ZNF717: variants seen among roughly 807,000 people sequenced by gnomAD.
ZNF717 encodes the protein krueppel-like factor X17.
A neutral mutation model predicts 13.8 loss-of-function variants in ZNF717; 9 were observed. The ratio of observed to expected loss-of-function variants is 0.65; its 90% CI spans 0.39 to 1.14. The LOEUF (loss-of-function observed/expected upper bound fraction) is 1.14. Among genes scored for constraint, ZNF717 ranks in the 50% most tolerant of loss-of-function variants. The probability of loss-of-function intolerance (pLI) is 0.01; values close to 1 mark genes in which losing one functional copy is unlikely to be tolerated. For missense variants in ZNF717, 1,040 were observed against 1,080.7 expected, an observed-to-expected ratio of 0.96 and a Z score of 0.53; for synonymous variants, 327 against 364.1, an observed-to-expected ratio of 0.90 and a Z score of 1.16.
chr3:75,709,703 C>T (rs1937892013), exon 6 of ZNF717: 1 of 152,172 alleles, frequency 6.6e-6, no homozygotes, highest in African/African-American at 2.4e-5. Flanking sequence ...TTTTCATCAT[C>T]AGGCATACAC....
chr3:75,763,328 T>G (rs1943180314), intron 2 of ZNF717, among the ~76,000 whole-genome samples: 1 of 152,230 alleles, frequency 6.6e-6, no homozygotes, highest in African/African-American at 2.4e-5. Flanking sequence ...TGCATTATTC[T>G]TACTGGTTGA....
At chr3:75,778,648 A>G (rs1325049063) in intron 2 of ZNF717, among the ~76,000 whole-genome samples, 2 of 151,926 alleles carry the variant, frequency 1.3e-5, no homozygotes, top group African/African-American at 4.8e-5. Flanking sequence ...CAGAACCCAA[A>G]ACAATGGGAG....
chr3:75,706,874 A>T (rs1338447173), downstream of ZNF717, among the ~76,000 whole-genome samples: 1 of 152,402 alleles, frequency 6.6e-6, no homozygotes, highest in East Asian at 1.9e-4. Context: ...GCCCCAAAAC[A>T]CTGCTTATCA....
intron 6 of ZNF717, among the ~76,000 whole-genome samples, chr3:75,700,482 C>T (rs1427778722): frequency 6.6e-6 from 1 of 152,250 alleles, no homozygotes; most frequent in Non-Finnish European, 1.5e-5. Context: ...ATAGTCAAAG[C>T]TATGCTGAGT....
intron 6 of ZNF717, among the ~76,000 whole-genome samples, chr3:75,701,867 C>T (rs1257555241): frequency 5.3e-5 from 8 of 152,054 alleles, no homozygotes; most frequent in Non-Finnish European, 5.9e-5. Flanking sequence ...AAATGTCAAA[C>T]AGGCAAATGA....
Position 75,739,282 on chromosome 3 carries a change from T to C in ZNF717, c.341A>G (p.Gln114Arg), listed in dbSNP as rs1359780988. 890 of 1,519,452 alleles carry C rather than the reference T, an allele frequency of 5.9e-4. No individual in the cohort carries two copies. Among genetic ancestry groups the C allele is most frequent in the Non-Finnish European group, 7.4e-4 (837 of 1,133,256 alleles). 94.1% of individuals were successfully genotyped at this position (1,519,452 alleles called of 1,614,324 possible). A position where few individuals can be genotyped will look rare whatever the true frequency, so the allele number is the denominator to read the frequency against. The change falls in exon 5 of 5, where the codon CAA becomes CGA. Residue 114 changes from glutamine to arginine, a missense_variant. Gln to Arg is a conservative substitution (Grantham distance 43, BLOSUM62 1). Transcript: ENST00000652011. ...SHESHDRFFW[Q>R]IVITNSNTST... Reference sequence around the variant, plus strand: ...TGTGTTGCTGTTGGTGATTACAATTTGCCAGAAAAATCTATCATGACTTTC... The same window carrying C: ...TGTGTTGCTGTTGGTGATTACAATTCGCCAGAAAAATCTATCATGACTTTC...
downstream of ZNF717, among the ~76,000 whole-genome samples, chr3:75,727,400 T>C (rs1391733181): frequency 2.6e-5 from 4 of 152,224 alleles, no homozygotes; most frequent in Non-Finnish European, 5.9e-5. Flanking sequence ...CAGCCATGTT[T>C]TTCTTCTTGC....
At chr3:75,756,496 C>T (rs1354308221) in intron 2 of ZNF717, among the ~76,000 whole-genome samples, 2 of 152,140 alleles carry the variant, frequency 1.3e-5, no homozygotes, top group Non-Finnish European at 2.9e-5. Flanking sequence ...AAACACTTAG[C>T]CAAATTGTGA....
Position 75,738,256 on chromosome 3 carries a change from C to T in ZNF717, c.1367G>A (p.Cys456Tyr). ...TGACTTATTGATAAAGGGTTTTCCA[C>T]ACTCATTACATTCATACGGTTTTTC... The part of the protein sequence containing the change: ...TGEKPYECNE[C>Y]GKPFINKSNL... The change falls in exon 5 of 5, where the codon TGT becomes TAT. Residue 456 changes from cysteine to tyrosine, a missense_variant. Around this residue, in one of 3 missense-constraint regions of ZNF717, gnomAD observed 873 missense variants for 832.8 expected, o/e 1.05. Transcript: ENST00000652011. 2 of 1,540,888 alleles carry T rather than the reference C, an allele frequency of 1.3e-6. No individual in the cohort carries two copies. The highest frequency in any genetic ancestry group is 8.8e-7 in the Non-Finnish European group (1 of 1,137,792).
chr3:75,772,089 ACTC>A (rs1457120460), intron 2 of ZNF717, among the ~76,000 whole-genome samples: 2 of 152,140 alleles, frequency 1.3e-5, no homozygotes, highest in African/African-American at 4.8e-5. Context: ...GCCTGCAGGC[ACTC>A]CTCAGCTCAA....
intron 6 of ZNF717, among the ~76,000 whole-genome samples, chr3:75,704,017 T>C (rs1465194474): frequency 6.6e-6 from 1 of 152,296 alleles, no homozygotes; most frequent in Non-Finnish European, 1.5e-5. Flanking sequence ...GCATTTTTTG[T>C]AAGGATAATA....
chr3:75,697,035 T>C (rs1415933018), intron 6 of ZNF717, among the ~76,000 whole-genome samples: 72 of 150,594 alleles, frequency 4.8e-4, no homozygotes, highest in African/African-American at 1.7e-3. Context: ...TACCTCAACA[T>C]AATAAAAGTC....
intron 2 of ZNF717, among the ~76,000 whole-genome samples, chr3:75,781,417 C>T (rs1944811714): frequency 6.6e-6 from 1 of 152,104 alleles, no homozygotes; most frequent in Non-Finnish European, 1.5e-5. Context: ...GGGGACTCTC[C>T]GATTCATGAA....
chr3:75,703,951 C>T (rs76773799), intron 6 of ZNF717, among the ~76,000 whole-genome samples: 3 of 152,252 alleles, frequency 2.0e-5, no homozygotes, highest in South Asian at 2.1e-4. Context: ...ATATCTGTGG[C>T]CATACAAGAC....
chr3:75,695,409 T>C (rs1937592615), intron 6 of ZNF717, among the ~76,000 whole-genome samples: 1 of 152,302 alleles, frequency 6.6e-6, no homozygotes, highest in Non-Finnish European at 1.5e-5. Context: ...ACTTTAGTCA[T>C]TGGATAGACC....
chr3:75,709,123 T>C (rs1278888635), downstream of ZNF717, among the ~76,000 whole-genome samples: 6 of 151,848 alleles, frequency 4.0e-5, no homozygotes, highest in African/African-American at 4.8e-5. Flanking sequence ...TTCAGCCTCC[T>C]GAGTAGCTGG....
chr3:75,737,674 T>A lies in ZNF717; in HGVS notation c.1949A>T (p.Asn650Ile). 1 of 583,216 alleles carries A rather than the reference T, an allele frequency of 1.7e-6. No homozygotes were observed. The highest frequency in any genetic ancestry group is 2.2e-6 in the Non-Finnish European group (1 of 462,552). The allele number at this position is 583,216 out of a possible 1,614,324, so 36.1% of individuals were successfully genotyped here. ...GCGATGAAAGGTTTTTCCACATTCA[T>A]TACATACGTAAGGTTTCTCTCCTGT... Reference protein sequence around the residue: ...THTGEKPYVCNECGKTFHRKS... With the variant: ...THTGEKPYVCIECGKTFHRKS... The change falls in exon 5 of 5, where the codon AAT becomes ATT. Residue 650 changes from asparagine to isoleucine, a missense_variant. By Grantham distance (149) the Asn-to-Ile change is moderately radical (BLOSUM62 -3). Coordinates refer to ENST00000652011, the MANE Select transcript of ZNF717 (RefSeq NM_001290208.3).
At chr3:75,731,938 G>T (rs1367948053), downstream of ZNF717, 1 of 642,088 alleles carries the variant, frequency 1.6e-6, no homozygotes. Context: ...AGGAACCAGT[G>T]CTGGAGTAGA....
At chr3:75,733,481 A>G (rs1488121618), downstream of ZNF717, among the ~76,000 whole-genome samples, 4 of 152,154 alleles carry the variant, frequency 2.6e-5, no homozygotes, top group African/African-American at 7.2e-5. Flanking sequence ...AGAAACAAAG[A>G]TAAGAATCAC....
Sources: allele counts gnomAD v4.1 joint callset (sites outside exome capture counted in the v4.1 genomes callset), GRCh38; gene constraint gnomAD v4.1.1; regional missense constraint gnomAD v4.1.1; transcripts MANE v1.5; gene names NCBI Gene and HGNC (gene_info 2026-07-23, HGNC 2026-07-21).